The following SHLD1 variants were observed in gnomAD, a reference collection of about 807,000 sequenced individuals.
SHLD1 encodes the protein RINN1-REV7-interacting novel NHEJ regulator 3.
In SHLD1, 3 loss-of-function variants were observed where a neutral mutation model predicts 5.5. The ratio of observed to expected loss-of-function variants is 0.54; its 90% CI spans 0.25 to 1.40. The LOEUF (loss-of-function observed/expected upper bound fraction) is 1.40. Among genes scored for constraint, SHLD1 ranks in the 40% most tolerant of loss-of-function variants. The pLI, the probability that SHLD1 is intolerant of heterozygous loss-of-function variation, is 0.15. For missense variants in SHLD1, 210 were observed against 244.4 expected (o/e 0.86, Z 0.94); for synonymous variants, 92 against 94.3 (o/e 0.98, Z 0.14).
intron 2 of SHLD1, among the ~76,000 whole-genome samples, chr20:5,825,690 A>C (rs925290851): frequency 6.6e-6 from 1 of 152,182 alleles, no homozygotes; most frequent in African/African-American, 2.4e-5. Flanking sequence ...GTAGTGAGCT[A>C]TGATTGTGCC....
chr20:5,780,804 C>T (rs1985650638), intron 2 of SHLD1, among the ~76,000 whole-genome samples: 1 of 152,224 alleles, frequency 6.6e-6, no homozygotes, highest in African/African-American at 2.4e-5. Context: ...CTCCATTCCC[C>T]TCTGGACTAA....
At position 5,855,899 on chromosome 20, in the gene SHLD1, T is replaced by C. The variant is rs1426460832; in HGVS notation, c.179-7125T>C. ...TATGACTTCACGTTAGCCAGTGAAA[T>C]ATGAACAGAAGTAATAGAGCTGTCC... is the stretch of plus-strand genomic sequence containing the variant. On this transcript the variant is annotated intron_variant, in intron 2 of 2. Transcript: ENST00000303142. This position sits in a 1 kb window ranked among gnomAD's most constrained non-coding sequence, Gnocchi z 4.4. 6.6e-6 allele frequency among the ~76,000 whole-genome samples: 1 copy of C among 152,192 alleles called. No individual in the cohort carries two copies. The highest frequency in any genetic ancestry group is 1.5e-5 in the Non-Finnish European group (1 of 68,044).
At chr20:5,763,875 G>A (rs1984618839) in intron 1 of SHLD1, among the ~76,000 whole-genome samples, 1 of 148,792 alleles carries the variant, frequency 6.7e-6, no homozygotes, top group South Asian at 2.1e-4. Context: ...TTGAGAGGCT[G>A]AGGTGGGTGG....
chr20:5,802,758 C>T (rs1683331625), intron 2 of SHLD1, among the ~76,000 whole-genome samples: 1 of 152,100 alleles, frequency 6.6e-6, no homozygotes, highest in Non-Finnish European at 1.5e-5. Context: ...GTGATCTTCC[C>T]ACCTCAGCCT....
chr20:5,759,995 C>CACAG (rs1463826211), intron 1 of SHLD1, among the ~76,000 whole-genome samples: 6 of 151,838 alleles, frequency 4.0e-5, no homozygotes, highest in African/African-American at 1.5e-4. Flanking sequence ...TTTATACACA[C>CACAG]ACACACACAC....
intron 2 of SHLD1, among the ~76,000 whole-genome samples, chr20:5,848,394 G>C (rs2087958027): frequency 6.6e-6 from 1 of 152,164 alleles, no homozygotes; most frequent in South Asian, 2.1e-4. Flanking sequence ...ACAAAAATTA[G>C]CTGGATGCCA....
At chr20:5,847,929 G>GATACA (rs1227722077) in intron 2 of SHLD1, among the ~76,000 whole-genome samples, 1 of 152,168 alleles carries the variant, frequency 6.6e-6, no homozygotes, top group Non-Finnish European at 1.5e-5. Context: ...GCACAAGGCG[G>GATACA]TATTTATCAG....
At chr20:5,828,437 G>A (rs2087691483) in intron 2 of SHLD1, among the ~76,000 whole-genome samples, 1 of 152,172 alleles carries the variant, frequency 6.6e-6, no homozygotes, top group Admixed American at 6.5e-5. Flanking sequence ...CCATGGAAGG[G>A]CCTATGAAGT....
intron 2 of SHLD1, among the ~76,000 whole-genome samples, chr20:5,854,872 C>CTTTTTTTTTTTTTTTTTTT (rs55776293): frequency 7.7e-6 from 1 of 130,034 alleles, no homozygotes. Context: ...CTCTATGACT[C>CTTTTTTTTTTTTTTTTTTT]TTTTTTTTTT....
intron 2 of SHLD1, among the ~76,000 whole-genome samples, chr20:5,804,341 C>CAA (rs142413659): frequency 1.7e-4 from 20 of 120,218 alleles, no homozygotes; most frequent in Admixed American, 2.4e-4. Context: ...TTGTATATCG[C>CAA]AAAAAAAAAC....
chr20:5,833,910 A>G (rs1211051050), intron 2 of SHLD1, among the ~76,000 whole-genome samples: 3 of 152,164 alleles, frequency 2.0e-5, no homozygotes, highest in African/African-American at 4.8e-5. Context: ...CTTAGCCTAC[A>G]TTCAGTTACC....
At chr20:5,841,210 C>T (rs912128975) in intron 2 of SHLD1, among the ~76,000 whole-genome samples, 2 of 150,446 alleles carry the variant, frequency 1.3e-5, no homozygotes, top group African/African-American at 4.9e-5. Flanking sequence ...TGTGCACATG[C>T]ATATGTATAC....
chr20:5,837,052 C>T (rs2087797801), intron 2 of SHLD1, among the ~76,000 whole-genome samples: 1 of 152,128 alleles, frequency 6.6e-6, no homozygotes, highest in African/African-American at 2.4e-5. Context: ...CCCAGGTCAG[C>T]AGCTATGGAG....
At chr20:5,830,223 A>C (rs2087711754) in intron 2 of SHLD1, among the ~76,000 whole-genome samples, 1 of 152,248 alleles carries the variant, frequency 6.6e-6, no homozygotes, top group South Asian at 2.1e-4. Context: ...AACTCTATAC[A>C]TGCCCTTTAT....
chr20:5,829,960 C>G (rs528605248), intron 2 of SHLD1, among the ~76,000 whole-genome samples: 1 of 152,168 alleles, frequency 6.6e-6, no homozygotes, highest in Non-Finnish European at 1.5e-5. Flanking sequence ...GTCTTTCAGT[C>G]TTGGGTGATA....
intron 2 of SHLD1, among the ~76,000 whole-genome samples, chr20:5,854,309 T>C (rs1467849677): frequency 1.3e-5 from 2 of 152,096 alleles, no homozygotes; most frequent in East Asian, 3.9e-4. Context: ...CCCGGCCTTA[T>C]GTTTTTTGGT....
intron 2 of SHLD1, among the ~76,000 whole-genome samples, chr20:5,815,667 A>T (rs1439170157): frequency 6.6e-6 from 1 of 152,230 alleles, no homozygotes; most frequent in African/African-American, 2.4e-5. Context: ...CTAACCCATG[A>T]TCTATCTTCA....
rs567422865 is a variant in SHLD1 at position 5,807,758 on chromosome 20, T to G, written c.178+34715T>G. Among the ~76,000 whole-genome samples, 7 of 152,304 alleles carry G rather than the reference T, an allele frequency of 4.6e-5. No individual in the cohort carries two copies. The South Asian group carries it at 1.4e-3, about 32-fold the overall frequency. Reference sequence around the variant, plus strand: ...TTTTGGAGAATATAGCCTCAGAATTTATGCTCCCTAGAAACCAGAAGTGAT... The same window carrying G: ...TTTTGGAGAATATAGCCTCAGAATTGATGCTCCCTAGAAACCAGAAGTGAT... On this transcript the variant is annotated intron_variant, in intron 2 of 2. Transcript: ENST00000303142.
chr20:5,795,466 G>A (rs1350515650), intron 2 of SHLD1, among the ~76,000 whole-genome samples: 3 of 151,948 alleles, frequency 2.0e-5, no homozygotes, highest in Admixed American at 6.6e-5. Flanking sequence ...GGATGTGGTG[G>A]CACGTGCCTG....
Sources: allele counts gnomAD v4.1 joint callset (sites outside exome capture counted in the v4.1 genomes callset), GRCh38; gene constraint gnomAD v4.1.1; non-coding constraint Gnocchi (gnomAD v3.1); transcripts MANE v1.5; gene names NCBI Gene and HGNC (gene_info 2026-07-23, HGNC 2026-07-21).